KCNH7: variants seen among roughly 807,000 people sequenced by gnomAD.
The protein encoded by KCNH7 is potassium voltage-gated channel subfamily H member 7.
KCNH7 carries 49 observed loss-of-function variants against 120.8 expected under a neutral mutation model. The ratio of observed to expected loss-of-function variants is 0.41; its 90% confidence interval spans 0.32 to 0.51. KCNH7 has a LOEUF of 0.51. Among genes scored for constraint, KCNH7 ranks in the 20% least tolerant of loss-of-function variants. KCNH7 has a pLI of 0.38. For synonymous variants in KCNH7, 547 were observed against 516.1 expected, an observed-to-expected ratio of 1.06 and a Z score of -0.81; for missense variants, 1,097 against 1,446.6, an observed-to-expected ratio of 0.76 and a Z score of 3.92.
chr2:162,706,822 T>C (rs1686720545), intron 2 of KCNH7, among the ~76,000 whole-genome samples: 1 of 152,132 alleles, frequency 6.6e-6, no homozygotes, highest in Non-Finnish European at 1.5e-5. Context: ...TTGCCTCTCA[T>C]ACTTAAAAAG....
At chr2:162,441,999 CTTTTTTTTTTTTT>C (rs779418084) in intron 7 of KCNH7, among the ~76,000 whole-genome samples, 28 of 41,566 alleles carry the variant, frequency 6.7e-4, no homozygotes, top group South Asian at 3.8e-3. Flanking sequence ...GTTAGGTCTT[CTTTTTTTTTTTTT>C]TTTTTTTTTT....
At chr2:162,547,055 C>G (rs925949783) in intron 2 of KCNH7, among the ~76,000 whole-genome samples, 1 of 152,044 alleles carries the variant, frequency 6.6e-6, no homozygotes, top group African/African-American at 2.4e-5. Flanking sequence ...TTGGGGAGGC[C>G]TCAGGAAACT....
At chr2:162,712,348 C>T (rs1026762288) in intron 2 of KCNH7, among the ~76,000 whole-genome samples, 5 of 152,006 alleles carry the variant, frequency 3.3e-5, no homozygotes, top group African/African-American at 4.8e-5. Flanking sequence ...ATCACCAGCT[C>T]CAAAGTCCAT....
chr2:162,379,755 G>T, intron 14 of KCNH7, 98 bp downstream of exon 14: 2 of 1,133,998 alleles, frequency 1.8e-6, no homozygotes, highest in Non-Finnish European at 2.5e-6. Context: ...AGGAAATTAT[G>T]AGATCATGGC....
At chr2:162,722,813 CTTTTT>C (rs894023630) in intron 2 of KCNH7, among the ~76,000 whole-genome samples, 6 of 85,108 alleles carry the variant, frequency 7.0e-5, no homozygotes, top group African/African-American at 3.6e-4. Context: ...TTCTTTTTTT[CTTTTT>C]TTTTTTTTTT....
At chr2:162,604,424 T>C (rs974156857) in intron 2 of KCNH7, among the ~76,000 whole-genome samples, 1 of 152,108 alleles carries the variant, frequency 6.6e-6, no homozygotes, top group African/African-American at 2.4e-5. Context: ...CCATTCTACT[T>C]AGGTATTCCC....
intron 6 of KCNH7, among the ~76,000 whole-genome samples, chr2:162,492,215 C>A (rs1186403105): frequency 6.6e-6 from 1 of 152,206 alleles, no homozygotes; most frequent in African/African-American, 2.4e-5. Context: ...TGTAGCCAAT[C>A]TGGTGCACTT....
intron 6 of KCNH7, among the ~76,000 whole-genome samples, chr2:162,469,416 A>G (rs1259017211): frequency 6.6e-6 from 1 of 152,186 alleles, no homozygotes; most frequent in East Asian, 1.9e-4. Flanking sequence ...ATGCAAACCA[A>G]TAATATTTAC....
At chr2:162,409,948 A>G (rs1573925080) in intron 9 of KCNH7, among the ~76,000 whole-genome samples, 1 of 152,166 alleles carries the variant, frequency 6.6e-6, no homozygotes, top group Admixed American at 6.6e-5. Flanking sequence ...GAAAAATTGA[A>G]AAACATTTCA....
chr2:162,428,032 T>C (rs1331682723), intron 8 of KCNH7, among the ~76,000 whole-genome samples: 2 of 151,832 alleles, frequency 1.3e-5, no homozygotes, highest in East Asian at 3.9e-4. Flanking sequence ...ATTTCTTTTC[T>C]TCCAGTTGTA....
intron 4 of KCNH7, among the ~76,000 whole-genome samples, chr2:162,513,263 TTCCTTCCC>T (rs1164137176): frequency 1.1e-3 from 144 of 129,122 alleles, no homozygotes; most frequent in African/African-American, 2.4e-3. Context: ...CTTTCCCTCC[TTCCTTCCC>T]TCCTTCCCTC....
At chr2:162,670,741 C>A (rs1685321250) in intron 2 of KCNH7, among the ~76,000 whole-genome samples, 1 of 150,112 alleles carries the variant, frequency 6.7e-6, no homozygotes, top group African/African-American at 2.5e-5. Flanking sequence ...CCAAAAAAAA[C>A]CCTAATTTAA....
chr2:162,766,900 CACACAT>C (rs1206293839), intron 2 of KCNH7, among the ~76,000 whole-genome samples: 7 of 144,414 alleles, frequency 4.8e-5, no homozygotes, highest in African/African-American at 1.9e-4. Flanking sequence ...CACACACACA[CACACAT>C]AAACACACAT....
At chr2:162,760,836 C>T (rs543632984) in intron 2 of KCNH7, among the ~76,000 whole-genome samples, 19 of 152,128 alleles carry the variant, frequency 1.2e-4, no homozygotes, top group South Asian at 4.1e-4. Flanking sequence ...GAACAGCACA[C>T]GTAAGATTTC....
At chr2:162,698,315 T>C (rs755545122) in intron 2 of KCNH7, among the ~76,000 whole-genome samples, 2 of 152,158 alleles carry the variant, frequency 1.3e-5, no homozygotes, top group Non-Finnish European at 2.9e-5. Context: ...TTGAAATCCA[T>C]GACAACTTAT....
At chr2:162,415,399 GA>G (rs914989673) in intron 9 of KCNH7, among the ~76,000 whole-genome samples, 1 of 152,168 alleles carries the variant, frequency 6.6e-6, no homozygotes, top group African/African-American at 2.4e-5. Context: ...GTCTGTAAGA[GA>G]AAAAAATGTA....
intron 5 of KCNH7, among the ~76,000 whole-genome samples, chr2:162,510,983 CTT>C (rs1021532785): frequency 7.3e-5 from 11 of 151,710 alleles, no homozygotes; most frequent in Admixed American, 6.6e-4. Context: ...TATGTGAAAA[CTT>C]TGTGCAATGG....
intron 6 of KCNH7, among the ~76,000 whole-genome samples, chr2:162,451,752 C>T (rs1029072084): frequency 6.6e-6 from 1 of 152,008 alleles, no homozygotes; most frequent in Non-Finnish European, 1.5e-5. Context: ...CTCCTATGGT[C>T]TCTTAAGCAG....
rs529878543 is a variant in KCNH7, at chr2:162,535,682, A to G, written c.463+1243T>C. Among the ~76,000 whole-genome samples, 46 of 151,958 alleles carry G rather than the reference A, an allele frequency of 3.0e-4. 1 individual carries two copies. The highest frequency in any genetic ancestry group is 1.1e-3 in the African/African-American group (44 of 41,556). ...TTAAATAATTTTTTGTAGCTCTAGA[A>G]AATTTGCTTCTAAAGTTCACATGGA... On this transcript the variant is annotated intron_variant, in intron 3 of 15. Transcript: ENST00000332142.
Sources: allele counts gnomAD v4.1 joint callset (sites outside exome capture counted in the v4.1 genomes callset), GRCh38; gene constraint gnomAD v4.1.1; transcripts MANE v1.5; gene names NCBI Gene and HGNC (gene_info 2026-07-23, HGNC 2026-07-21).